The following LRRC4C variants were observed in gnomAD, a reference collection of about 807,000 sequenced individuals.
LRRC4C encodes the protein leucine rich repeat containing 4C.
A neutral mutation model predicts 33.6 loss-of-function variants in LRRC4C; 5 were observed. That is an observed-to-expected ratio of 0.15 (90% CI 0.08 to 0.31). The LOEUF is 0.31. Ranked by LOEUF, LRRC4C falls within the 10% of genes least tolerant of loss-of-function variation. LRRC4C has a pLI of 1.00. For synonymous variants in LRRC4C, 329 were observed against 302.0 expected (o/e 1.09, Z -0.93); for missense variants, 560 against 796.7 (o/e 0.70, Z 3.58).
Position 40,760,333 on chromosome 11 carries a change from G to A in LRRC4C, c.-406-112055C>T, listed in dbSNP as rs1038281331. ...GTCTATCGCTGCTGCTCTTCGTGCCGAAAAAGGGAGAACTGAGCAGTTGCA... is the reference window on the plus strand; with the variant it reads ...GTCTATCGCTGCTGCTCTTCGTGCCAAAAAAGGGAGAACTGAGCAGTTGCA... On this transcript the variant is annotated intron_variant, in intron 2 of 6. Transcript: ENST00000528697. Among the ~76,000 whole-genome samples, 17 of 149,364 alleles carry A rather than the reference G, an allele frequency of 1.1e-4. No individual in the cohort carries two copies. In the East Asian group the frequency reaches 1.2e-3, roughly 10 times the overall value.
intron 1 of LRRC4C, among the ~76,000 whole-genome samples, chr11:40,963,754 A>G (rs745440802): frequency 7.2e-5 from 11 of 151,802 alleles, no homozygotes; most frequent in Admixed American, 4.6e-4. Context: ...TTGTTTATTC[A>G]GTAAATATTG....
chr11:41,203,947 C>T (rs769089584), intron 1 of LRRC4C, among the ~76,000 whole-genome samples: 2 of 152,178 alleles, frequency 1.3e-5, no homozygotes, highest in African/African-American at 4.8e-5. Context: ...TCACCAGACA[C>T]ATCTTGTTTT....
chr11:40,556,384 A>T (rs1957333636), intron 3 of LRRC4C, among the ~76,000 whole-genome samples: 1 of 152,238 alleles, frequency 6.6e-6, no homozygotes, highest in South Asian at 2.1e-4. Flanking sequence ...CTAGAGACAG[A>T]ATGTAGAAAG....
At chr11:40,588,962 G>T (rs1311782054) in intron 3 of LRRC4C, among the ~76,000 whole-genome samples, 4 of 152,154 alleles carry the variant, frequency 2.6e-5, no homozygotes, top group African/African-American at 9.7e-5. Context: ...TGTTGATTTG[G>T]GGTGGAGAGT....
At chr11:40,780,081 C>T (rs1019887975) in intron 2 of LRRC4C, among the ~76,000 whole-genome samples, 2 of 152,114 alleles carry the variant, frequency 1.3e-5, no homozygotes, top group African/African-American at 4.8e-5. Context: ...CCTAAGCCTA[C>T]AATCTAGTTC....
At chr11:40,987,417 C>T (rs1206684421) in intron 1 of LRRC4C, among the ~76,000 whole-genome samples, 3 of 151,852 alleles carry the variant, frequency 2.0e-5, no homozygotes, top group East Asian at 1.9e-4. Flanking sequence ...CTCTCTTAAC[C>T]GTCTGGTTCA....
chr11:40,908,992 C>A (rs913555093), intron 2 of LRRC4C, among the ~76,000 whole-genome samples: 1 of 152,016 alleles, frequency 6.6e-6, no homozygotes, highest in Admixed American at 6.6e-5. Flanking sequence ...CAGTTTTGCT[C>A]CTGACATTAT....
intron 3 of LRRC4C, among the ~76,000 whole-genome samples, chr11:40,598,665 T>C (rs1959634998): frequency 6.6e-6 from 1 of 152,204 alleles, no homozygotes. Context: ...TCACATGTTT[T>C]ATTTAATATG....
intron 1 of LRRC4C, among the ~76,000 whole-genome samples, chr11:41,037,574 TCACACACACA>T (rs56234239): frequency 1.3e-5 from 2 of 148,862 alleles, no homozygotes; most frequent in African/African-American, 2.5e-5. Flanking sequence ...TCTTTTCCTT[TCACACACACA>T]CACACACACA....
intron 2 of LRRC4C, among the ~76,000 whole-genome samples, chr11:40,839,027 C>T (rs1004418606): frequency 1.3e-5 from 2 of 152,022 alleles, no homozygotes; most frequent in Admixed American, 1.3e-4. Flanking sequence ...AAAAGAGACT[C>T]ACAGAAGAGA....
At chr11:41,449,500 C>G (rs978781828) in intron 1 of LRRC4C, among the ~76,000 whole-genome samples, 1 of 151,918 alleles carries the variant, frequency 6.6e-6, no homozygotes, top group Non-Finnish European at 1.5e-5. Context: ...ATATTCTGGC[C>G]CTGAAAATCA....
intron 1 of LRRC4C, among the ~76,000 whole-genome samples, chr11:41,072,439 C>G (rs1004799914): frequency 6.6e-6 from 1 of 151,902 alleles, no homozygotes; most frequent in Non-Finnish European, 1.5e-5. Context: ...TGGGGGTGGA[C>G]TTCCCCCTTG....
intron 2 of LRRC4C, among the ~76,000 whole-genome samples, chr11:40,711,683 G>C (rs1591527935): frequency 6.7e-6 from 1 of 149,122 alleles, no homozygotes; most frequent in East Asian, 2.0e-4. Context: ...AGAGAAATCT[G>C]TGAATAGAAA....
chr11:41,273,054 A>G (rs185092596), intron 1 of LRRC4C, among the ~76,000 whole-genome samples: 26 of 152,332 alleles, frequency 1.7e-4, no homozygotes, highest in African/African-American at 6.3e-4. Context: ...CTCATATTCT[A>G]GTGAAGAAAA....
chr11:40,831,541 A>T (rs1265297000), intron 2 of LRRC4C, among the ~76,000 whole-genome samples: 1 of 152,190 alleles, frequency 6.6e-6, no homozygotes. Flanking sequence ...TCAATATTAA[A>T]TTGTGAGTAC....
chr11:41,420,877 CTT>C (rs1380148750), intron 1 of LRRC4C, among the ~76,000 whole-genome samples: 2 of 152,032 alleles, frequency 1.3e-5, no homozygotes. Flanking sequence ...AAATATTCAC[CTT>C]TTTGTTACAA....
intron 1 of LRRC4C, among the ~76,000 whole-genome samples, chr11:41,320,528 T>A (rs890127417): frequency 6.6e-6 from 1 of 152,190 alleles, no homozygotes; most frequent in African/African-American, 2.4e-5. Context: ...AACACACACA[T>A]ACATTTGCCA....
intron 1 of LRRC4C, among the ~76,000 whole-genome samples, chr11:41,133,918 A>T (rs1019030736): frequency 6.6e-6 from 1 of 152,082 alleles, no homozygotes; most frequent in East Asian, 1.9e-4. Context: ...TGCTGAAACT[A>T]TGTATACCTT....
At chr11:40,959,148 T>C (rs355229) in intron 1 of LRRC4C, among the ~76,000 whole-genome samples, 146,574 of 151,630 alleles carry the variant, frequency 0.97, 71,039 homozygotes, top group Middle Eastern at 1. Flanking sequence ...GAGAAGCCTC[T>C]CGAGATGACT....
Sources: allele counts gnomAD v4.1 joint callset (sites outside exome capture counted in the v4.1 genomes callset), GRCh38; gene constraint gnomAD v4.1.1; transcripts MANE v1.5; gene names NCBI Gene and HGNC (gene_info 2026-07-23, HGNC 2026-07-21).